The following RNF146 variants were observed in gnomAD, a reference collection of about 807,000 sequenced individuals.
The protein encoded by RNF146 is ring finger protein 146.
In RNF146, 11 loss-of-function variants were observed where a neutral mutation model predicts 29.7. The observed-to-expected ratio is 0.37, with a 90% CI of 0.23 to 0.61. The LOEUF is 0.61. RNF146 is among the 20% of genes least tolerant of loss of function. RNF146 has a pLI of 0.66. For missense variants in RNF146, 342 were observed against 438.9 expected (o/e 0.78, Z 1.97); for synonymous variants, 150 against 159.7 (o/e 0.94, Z 0.46).
At chr6:127,284,325 T>C (rs748202441) in intron 2 of RNF146, among the ~76,000 whole-genome samples, 2 of 151,892 alleles carry the variant, frequency 1.3e-5, no homozygotes, top group Non-Finnish European at 2.9e-5. Context: ...AGACTTCTTA[T>C]ATGAAGATGT....
At position 127,280,244 on chromosome 6, in the gene RNF146, C is replaced by G. The variant is rs1778754920; in HGVS notation, c.-95C>G. The G allele has an allele frequency of 4.2e-6, 5 of 1,188,264 alleles. No individual in the cohort carries two copies. In the South Asian group the frequency reaches 6.7e-5, roughly 16 times the overall value. The allele number at this position is 1,188,264 out of a possible 1,614,324, so 73.6% of individuals were successfully genotyped here. ...TTTCTTTTGCAGCACAAAGAATGAA[C>G]CAGCAGTGGAAGAGAAAATACTGTA... On this transcript the variant is annotated 5_prime_UTR_variant, in exon 2 of 3. Coordinates refer to ENST00000368314, the MANE Select transcript of RNF146 (RefSeq NM_001242850.2).
intron 1 of RNF146, among the ~76,000 whole-genome samples, chr6:127,275,177 A>C (rs191292467): frequency 1.3e-5 from 2 of 152,220 alleles, no homozygotes; most frequent in East Asian, 3.9e-4. Context: ...GCTGTTCAGA[A>C]ACCCATCTTG....
intron 1 of RNF146, among the ~76,000 whole-genome samples, chr6:127,275,637 C>A (rs6906717): frequency 0.73 from 111,031 of 151,978 alleles, 40,721 homozygotes; most frequent in East Asian, 0.78. Context: ...TGATAAATTC[C>A]GTAATAGAAA....
At chr6:127,270,933 A>C (rs1292476630) in intron 1 of RNF146, among the ~76,000 whole-genome samples, 3 of 151,430 alleles carry the variant, frequency 2.0e-5, no homozygotes, top group South Asian at 2.1e-4. Context: ...CTCCTGCCTC[A>C]GCCTCCCAAT....
intron 2 of RNF146, among the ~76,000 whole-genome samples, chr6:127,281,063 A>G (rs574837714): frequency 6.6e-6 from 1 of 151,640 alleles, no homozygotes; most frequent in Non-Finnish European, 1.5e-5. Context: ...AGCAAGAGTG[A>G]CCTTGGTAGA....
chr6:127,274,541 A>G (rs1264555941), intron 1 of RNF146, among the ~76,000 whole-genome samples: 1 of 152,206 alleles, frequency 6.6e-6, no homozygotes, highest in Non-Finnish European at 1.5e-5. Context: ...TAGGAATAAA[A>G]TGGTACCTTC....
chr6:127,279,136 G>A (rs988155987), intron 1 of RNF146, among the ~76,000 whole-genome samples: 1 of 151,676 alleles, frequency 6.6e-6, no homozygotes, highest in Non-Finnish European at 1.5e-5. Context: ...CTTATATAAA[G>A]CCCAATTTAT....
In RNF146 at chr6:127,286,775, C is replaced by A; in HGVS notation, c.162C>A (p.His54Gln). Residue 54 changes from histidine to glutamine, a missense_variant, in exon 3 of 3, where the codon CAC becomes CAA. By Grantham distance (24) the His-to-Gln change is conservative (BLOSUM62 0). Coordinates refer to ENST00000368314, the MANE Select transcript of RNF146 (RefSeq NM_001242850.2). The surrounding 1 kb of genome is among the most constrained non-coding windows in gnomAD (Gnocchi z 4.6). ...CVHPVSLPCKHVFCYLCVKGA... is the reference protein window; with the variant it reads ...CVHPVSLPCKQVFCYLCVKGA... ...ATCCAGTCAGTCTGCCCTGTAAGCACGTTTTCTGCTATCTATGTGTAAAAG... is the reference window on the plus strand; with the variant it reads ...ATCCAGTCAGTCTGCCCTGTAAGCAAGTTTTCTGCTATCTATGTGTAAAAG... The A allele has an allele frequency of 1.9e-6, 3 of 1,613,274 alleles. No individual in the cohort carries two copies. Among genetic ancestry groups the A allele is most frequent in the Non-Finnish European group, 2.5e-6 (3 of 1,179,528 alleles).
chr6:127,267,251 C>T (rs1000345693), intron 1 of RNF146, among the ~76,000 whole-genome samples: 1 of 151,950 alleles, frequency 6.6e-6, no homozygotes, highest in African/African-American at 2.4e-5. Flanking sequence ...GCCGCAGCCC[C>T]TGCCCTGGGT....
At chr6:127,285,724 C>A (rs1779427031) in intron 2 of RNF146, among the ~76,000 whole-genome samples, 1 of 151,826 alleles carries the variant, frequency 6.6e-6, no homozygotes, top group African/African-American at 2.4e-5. Context: ...ACTGCCCAGC[C>A]CCTCTGAATG....
intron 2 of RNF146, chr6:127,285,925 C>A (rs1227771648): frequency 6.5e-6 from 4 of 610,888 alleles, no homozygotes; most frequent in African/African-American, 5.7e-5. Context: ...AGTATTGTAT[C>A]TGGAACATGG....
chr6:127,279,266 G>T (rs1778640483), intron 1 of RNF146, among the ~76,000 whole-genome samples: 1 of 151,726 alleles, frequency 6.6e-6, no homozygotes, highest in African/African-American at 2.4e-5. Flanking sequence ...TTATATTTAG[G>T]TTATTGATTC....
At chr6:127,269,393 CTG>C (rs1562277259) in intron 1 of RNF146, among the ~76,000 whole-genome samples, 2 of 152,238 alleles carry the variant, frequency 1.3e-5, no homozygotes, top group African/African-American at 4.8e-5. Context: ...TAAGAAACAT[CTG>C]TGTGTGATAT....
chr6:127,286,468 T>C lies in RNF146; in HGVS notation c.3-148T>C. On this transcript the variant is annotated intron_variant, in intron 2 of 2. Transcript: ENST00000368314. This position sits in a 1 kb window ranked among gnomAD's most constrained non-coding sequence, Gnocchi z 4.6. Reference sequence around the variant, plus strand: ...AAATTTTCATCGGTTGGAGAGTTTTTCCTCTACTTTCATCTTCATATCCCC... The same window carrying C: ...AAATTTTCATCGGTTGGAGAGTTTTCCCTCTACTTTCATCTTCATATCCCC... 2 of 837,926 alleles carry C rather than the reference T, an allele frequency of 2.4e-6. No individual in the cohort carries two copies. The highest frequency in any genetic ancestry group is 3.6e-6 in the Non-Finnish European group (2 of 558,444). 51.9% of individuals were successfully genotyped at this position (837,926 alleles called of 1,614,324 possible). A position where few individuals can be genotyped will look rare whatever the true frequency, so the allele number is the denominator to read the frequency against.
chr6:127,286,555 T>G lies in RNF146; in HGVS notation c.3-61T>G. 2 of 1,422,374 alleles carry G rather than the reference T, an allele frequency of 1.4e-6. No homozygotes were observed. Among genetic ancestry groups the G allele is most frequent in the Non-Finnish European group, 1.9e-6 (2 of 1,046,364 alleles). 88.1% of individuals were successfully genotyped at this position (1,422,374 alleles called of 1,614,324 possible). A position where few individuals can be genotyped will look rare whatever the true frequency, so the allele number is the denominator to read the frequency against. The stretch of plus-strand genomic sequence containing the variant: ...TAGGTGGTTAGTGTTTTCATAATTG[T>G]TAAATTAAGATATTGCAAGAATTAA... On this transcript the variant is annotated intron_variant, in intron 2 of 2. Transcript: ENST00000368314. The surrounding 1 kb of genome is among the most constrained non-coding windows in gnomAD (Gnocchi z 4.6).
Position 127,287,424 on chromosome 6 carries a change from G to C in RNF146, c.811G>C (p.Glu271Gln), listed in dbSNP as rs1221561939. The C allele has an allele frequency of 6.2e-7, 1 of 1,613,492 alleles. No homozygotes were observed. The highest frequency in any genetic ancestry group is 2.2e-5 in the East Asian group (1 of 44,836). Reference protein sequence around the residue: ...SHRGEGEEDHESPSSGRVPAP... With the variant: ...SHRGEGEEDHQSPSSGRVPAP... ...TAGGGGAGAAGGAGAAGAAGATCATGAATCACCATCTTCAGGCAGGGTACC... is the reference window on the plus strand; with the variant it reads ...TAGGGGAGAAGGAGAAGAAGATCATCAATCACCATCTTCAGGCAGGGTACC... The change falls in exon 3 of 3, where the codon GAA (glutamate) becomes CAA (glutamine). Residue 271 changes from glutamate (E) to glutamine (Q), a missense_variant. Glu to Gln is a conservative substitution (Grantham distance 29). Around this residue, in one of 6 missense-constraint regions of RNF146, gnomAD observed 196 missense variants for 208.9 expected, o/e 0.94. Transcript: ENST00000368314.
In RNF146 at chr6:127,271,299, C is replaced by T. The variant is rs141365204; in HGVS notation, c.-109+4374C>T. Among the ~76,000 whole-genome samples the T allele has an allele frequency of 3.9e-3, 598 of 152,164 alleles. 6 individuals are homozygous for T. The Middle Eastern group carries it at 0.048, about 12-fold the overall frequency. Reference sequence around the variant, plus strand: ...AAGTTTACATGGAATTTTGACTGCGCAGGGTGTAGACATTCTTAACTCCTC... The same window carrying T: ...AAGTTTACATGGAATTTTGACTGCGTAGGGTGTAGACATTCTTAACTCCTC... On this transcript the variant is annotated intron_variant, in intron 1 of 2. Coordinates refer to ENST00000368314, the MANE Select transcript of RNF146 (RefSeq NM_001242850.2).
chr6:127,268,312 T>C (rs1405353281), intron 1 of RNF146, among the ~76,000 whole-genome samples: 1 of 152,220 alleles, frequency 6.6e-6, no homozygotes, highest in Non-Finnish European at 1.5e-5. Context: ...TTTTAGTCAG[T>C]GAATCTATAT....
chr6:127,280,214 C>T lies in RNF146; in HGVS notation c.-108-17C>T. On this transcript the variant is annotated splice_polypyrimidine_tract_variant and intron_variant, in intron 1 of 2. Coordinates refer to ENST00000368314, the MANE Select transcript of RNF146 (RefSeq NM_001242850.2). Reference sequence around the variant, plus strand: ...ACTGATTCTCTTGATCTTAATTACTCTTTTTTTCTTTTGCAGCACAAAGAA... The same window carrying T: ...ACTGATTCTCTTGATCTTAATTACTTTTTTTTTCTTTTGCAGCACAAAGAA... 1.1e-6 allele frequency: 1 copy of T among 900,336 alleles called. No individual in the cohort carries two copies. Among genetic ancestry groups the T allele is most frequent in the Non-Finnish European group, 1.7e-6 (1 of 576,410 alleles). The allele number at this position is 900,336 out of a possible 1,614,324, so 55.8% of individuals were successfully genotyped here.
Sources: allele counts gnomAD v4.1 joint callset (sites outside exome capture counted in the v4.1 genomes callset), GRCh38; gene constraint gnomAD v4.1.1; regional missense constraint gnomAD v4.1.1; non-coding constraint Gnocchi (gnomAD v3.1); transcripts MANE v1.5; gene names NCBI Gene and HGNC (gene_info 2026-07-23, HGNC 2026-07-21).